Variants in SHISA9 observed in about 807,000 individuals in gnomAD.
SHISA9 encodes the protein shisa family member 9.
A neutral mutation model predicts 38.0 loss-of-function variants in SHISA9; 13 were observed. The ratio of observed to expected loss-of-function variants is 0.34; its 90% CI spans 0.22 to 0.54. The LOEUF (loss-of-function observed/expected upper bound fraction) is 0.54, where lower values mean the gene tolerates loss of function less well. Among genes scored for constraint, SHISA9 ranks in the 20% least tolerant of loss-of-function variants. The probability of loss-of-function intolerance (pLI) is 0.91; values close to 1 mark genes in which losing one functional copy is unlikely to be tolerated. For synonymous variants in SHISA9, 275 were observed against 242.0 expected, an observed-to-expected ratio of 1.14 and a Z score of -1.27; for missense variants, 538 against 575.8, an observed-to-expected ratio of 0.93 and a Z score of 0.67.
At chr16:12,958,224 C>A (rs189722834) in intron 2 of SHISA9, among the ~76,000 whole-genome samples, 1 of 152,192 alleles carries the variant, frequency 6.6e-6, no homozygotes, top group African/African-American at 2.4e-5. Flanking sequence ...AAAGGTAGTG[C>A]GGTATTCCAT....
intron 2 of SHISA9, among the ~76,000 whole-genome samples, chr16:12,955,418 G>T (rs2071816588): frequency 6.6e-6 from 1 of 152,084 alleles, no homozygotes; most frequent in African/African-American, 2.4e-5. Flanking sequence ...TCCCACTGGG[G>T]TAGAGTGGAA....
the SHISA9 span, among the ~76,000 whole-genome samples, chr16:13,436,669 C>G: frequency 6.6e-6 from 1 of 152,146 alleles, no homozygotes; most frequent in Admixed American, 6.5e-5. Context: ...ATCCAAGAAG[C>G]CTCTCCTGTG....
chr16:13,267,812 T>C, the SHISA9 span, among the ~76,000 whole-genome samples: 2 of 151,906 alleles, frequency 1.3e-5, no homozygotes, highest in African/African-American at 4.8e-5. Context: ...TGCAGGGTGG[T>C]TGTGAGAATT....
chr16:13,312,552 T>A, the SHISA9 span, among the ~76,000 whole-genome samples: 1 of 152,154 alleles, frequency 6.6e-6, no homozygotes, highest in African/African-American at 2.4e-5. Context: ...CATGATATAT[T>A]AAGCACCCTT....
At chr16:12,944,332 T>A (rs1332961541) in intron 2 of SHISA9, among the ~76,000 whole-genome samples, 2 of 152,216 alleles carry the variant, frequency 1.3e-5, no homozygotes, top group Non-Finnish European at 2.9e-5. Flanking sequence ...CAGCAACATT[T>A]CTTTCTAGAA....
At chr16:13,245,708 A>G in the SHISA9 span, among the ~76,000 whole-genome samples, 1 of 152,188 alleles carries the variant, frequency 6.6e-6, no homozygotes, top group Non-Finnish European at 1.5e-5. Flanking sequence ...CTCTGATTCA[A>G]CCTTAAGCTC....
chr16:13,047,996 C>G (rs976866798), intron 2 of SHISA9, among the ~76,000 whole-genome samples: 4 of 152,168 alleles, frequency 2.6e-5, no homozygotes, highest in Non-Finnish European at 5.9e-5. Flanking sequence ...CTCCAAGACT[C>G]ATTGTTAATT....
At chr16:12,998,745 T>A (rs1211492034) in intron 2 of SHISA9, among the ~76,000 whole-genome samples, 1 of 152,184 alleles carries the variant, frequency 6.6e-6, no homozygotes, top group East Asian at 1.9e-4. Flanking sequence ...TTTCACTGTA[T>A]TGCCAAGGCT....
At chr16:13,439,504 A>G in the SHISA9 span, among the ~76,000 whole-genome samples, 3 of 152,110 alleles carry the variant, frequency 2.0e-5, no homozygotes, top group South Asian at 6.2e-4. Flanking sequence ...TTGTTTGTCT[A>G]TTGTACCCTA....
chr16:13,549,991 C>A, the SHISA9 span, among the ~76,000 whole-genome samples: 1 of 150,124 alleles, frequency 6.7e-6, no homozygotes, highest in African/African-American at 2.5e-5. Context: ...CCACTGCACT[C>A]CAGCGTGGGC....
chr16:13,547,991 T>G, the SHISA9 span, among the ~76,000 whole-genome samples: 1 of 151,928 alleles, frequency 6.6e-6, no homozygotes, highest in Non-Finnish European at 1.5e-5. Flanking sequence ...ATATGCAAAA[T>G]AGCATGATAC....
At chr16:13,377,277 C>G in the SHISA9 span, among the ~76,000 whole-genome samples, 9 of 152,304 alleles carry the variant, frequency 5.9e-5, no homozygotes, top group Middle Eastern at 3.4e-3. Flanking sequence ...TGGGCTGATC[C>G]CTTTATGGAG....
At chr16:12,937,372 T>C (rs893262540) in intron 2 of SHISA9, among the ~76,000 whole-genome samples, 2 of 152,238 alleles carry the variant, frequency 1.3e-5, no homozygotes, top group African/African-American at 4.8e-5. Flanking sequence ...AGTCAACCAC[T>C]GTAATAAGTT....
chr16:13,008,363 C>T (rs2072624136), intron 2 of SHISA9, among the ~76,000 whole-genome samples: 1 of 152,152 alleles, frequency 6.6e-6, no homozygotes, highest in African/African-American at 2.4e-5. Context: ...AACCATTGCA[C>T]TCGAATCTTT....
the SHISA9 span, among the ~76,000 whole-genome samples, chr16:13,280,994 T>G: frequency 2.0e-4 from 31 of 151,998 alleles, no homozygotes; most frequent in African/African-American, 7.0e-4. Context: ...CCACTACTTT[T>G]TAAATTCTTA....
the SHISA9 span, among the ~76,000 whole-genome samples, chr16:13,490,748 C>A: frequency 2.0e-5 from 3 of 152,166 alleles, no homozygotes; most frequent in African/African-American, 7.2e-5. Context: ...CTGTAGTGTG[C>A]CAGGCAAAGC....
At chr16:13,386,072 A>G in the SHISA9 span, among the ~76,000 whole-genome samples, 1 of 152,222 alleles carries the variant, frequency 6.6e-6, no homozygotes, top group African/African-American at 2.4e-5. Flanking sequence ...GACGGTGCCC[A>G]TGGATATATG....
At chr16:13,191,468 T>C (rs544973586) in intron 2 of SHISA9, among the ~76,000 whole-genome samples, 63 of 152,350 alleles carry the variant, frequency 4.1e-4, no homozygotes, top group African/African-American at 1.4e-3. Context: ...AGCTACCATA[T>C]GTTGGGTGCT....
intron 2 of SHISA9, among the ~76,000 whole-genome samples, chr16:13,193,666 A>C (rs1325496933): frequency 2.0e-5 from 3 of 152,162 alleles, no homozygotes; most frequent in East Asian, 3.9e-4. Context: ...TTCTGAGCAC[A>C]TGACTTTTGT....
Sources: gnomAD v4.1 joint callset for allele counts (sites outside exome capture counted in the v4.1 genomes callset) on GRCh38, gnomAD v4.1.1 for gene constraint, MANE v1.5 for transcripts, NCBI Gene and HGNC (gene_info 2026-07-23, HGNC 2026-07-21) for gene names.